TMEFF2: variants seen among roughly 807,000 people sequenced by gnomAD.
TMEFF2 encodes transmembrane protein with EGF like and two follistatin like domains 2.
In TMEFF2, 28 loss-of-function variants were observed where a neutral mutation model predicts 53.8. The ratio of observed to expected loss-of-function variants is 0.52; its 90% confidence interval spans 0.39 to 0.71. The LOEUF (loss-of-function observed/expected upper bound fraction) is 0.71. Ranked by LOEUF, TMEFF2 falls within the 30% of genes least tolerant of loss-of-function variation. The pLI, the probability that TMEFF2 is intolerant of heterozygous loss-of-function variation, is 0.00. For missense variants in TMEFF2, 353 were observed against 455.2 expected (o/e 0.78, Z 2.04); for synonymous variants, 162 against 166.3 (o/e 0.97, Z 0.20).
intron 7 of TMEFF2, 106 bp from the exon 8 acceptor site, chr2:191,956,484 G>T: frequency 8.0e-7 from 1 of 1,247,862 alleles, no homozygotes; most frequent in Non-Finnish European, 1.1e-6. Flanking sequence ...ATTTAAAAGG[G>T]CAAGAACTAA....
chr2:192,102,233 C>A (rs1183180533), intron 4 of TMEFF2, among the ~76,000 whole-genome samples: 1 of 152,194 alleles, frequency 6.6e-6, no homozygotes, highest in Non-Finnish European at 1.5e-5. Context: ...ACTTCTCTTT[C>A]AGCTTTTAGC....
chr2:192,069,700 G>A (rs1372152833), intron 4 of TMEFF2, among the ~76,000 whole-genome samples: 1 of 151,620 alleles, frequency 6.6e-6, no homozygotes, highest in East Asian at 1.9e-4. Context: ...AATTGCATGA[G>A]TTTTAGAGAA....
intron 4 of TMEFF2, among the ~76,000 whole-genome samples, chr2:192,172,111 T>C (rs983456462): frequency 7.9e-5 from 12 of 151,984 alleles, no homozygotes; most frequent in South Asian, 2.1e-4. Context: ...TGGTGATTAA[T>C]GGTGGGGTAT....
At chr2:192,148,398 G>A (rs556206992) in intron 4 of TMEFF2, among the ~76,000 whole-genome samples, 61 of 152,118 alleles carry the variant, frequency 4.0e-4, no homozygotes, top group African/African-American at 1.4e-3. Flanking sequence ...GACAGTCCAT[G>A]GAGAAAGTTG....
chr2:192,035,707 T>A (rs1288252236), intron 5 of TMEFF2, among the ~76,000 whole-genome samples: 1 of 152,238 alleles, frequency 6.6e-6, no homozygotes, highest in Non-Finnish European at 1.5e-5. Context: ...ATTAGATTTA[T>A]CTGAACTCCT....
intron 4 of TMEFF2, among the ~76,000 whole-genome samples, chr2:192,101,107 A>T (rs10931521): frequency 0.93 from 141,140 of 152,198 alleles, 65,569 homozygotes; most frequent in Admixed American, 0.96. Context: ...AGTTCATGGG[A>T]TGTTAAGTAT....
intron 4 of TMEFF2, among the ~76,000 whole-genome samples, chr2:192,162,007 T>A (rs982381735): frequency 6.6e-5 from 10 of 152,152 alleles, no homozygotes; most frequent in African/African-American, 2.4e-4. Flanking sequence ...AGGACAAACA[T>A]AACAACCTTG....
intron 5 of TMEFF2, among the ~76,000 whole-genome samples, chr2:192,037,643 AAGAGAGAG>A (rs34986284): frequency 1.5e-3 from 213 of 142,428 alleles, no homozygotes; most frequent in African/African-American, 2.1e-3. Context: ...AAGAGAGAGA[AAGAGAGAG>A]AGAGAGAGAG....
At chr2:192,138,799 T>C (rs987986739) in intron 4 of TMEFF2, among the ~76,000 whole-genome samples, 42 of 152,152 alleles carry the variant, frequency 2.8e-4, no homozygotes, top group African/African-American at 9.4e-4. Flanking sequence ...TGGAAACTTA[T>C]AGAGAAAGCA....
At chr2:192,125,413 C>G (rs1019789584) in intron 4 of TMEFF2, among the ~76,000 whole-genome samples, 1 of 152,102 alleles carries the variant, frequency 6.6e-6, no homozygotes, top group South Asian at 2.1e-4. Context: ...ATATAAATAT[C>G]TTTGTATTAT....
chr2:192,010,953 T>A (rs1369427132), intron 5 of TMEFF2, among the ~76,000 whole-genome samples: 1 of 152,206 alleles, frequency 6.6e-6, no homozygotes, highest in Non-Finnish European at 1.5e-5. Context: ...GTCATTCTCA[T>A]CCCAGATAAG....
chr2:192,080,253 C>T (rs1346009008), intron 4 of TMEFF2, among the ~76,000 whole-genome samples: 1 of 152,262 alleles, frequency 6.6e-6, no homozygotes, highest in African/African-American at 2.4e-5. Context: ...ATAATCCCCA[C>T]GTGTCAAGGG....
chr2:192,087,278 T>TG (rs1688689071), intron 4 of TMEFF2, among the ~76,000 whole-genome samples: 1 of 151,832 alleles, frequency 6.6e-6, no homozygotes, highest in Non-Finnish European at 1.5e-5. Flanking sequence ...CAACACCTAG[T>TG]GAAAAAAAAC....
chr2:191,982,334 A>G (rs892814024), intron 7 of TMEFF2, among the ~76,000 whole-genome samples: 5 of 152,218 alleles, frequency 3.3e-5, no homozygotes, highest in Middle Eastern at 3.4e-3. Flanking sequence ...TTATGGTCAA[A>G]TGTAATACCT....
intron 5 of TMEFF2, chr2:192,034,930 G>T (rs1687247897): frequency 6.6e-6 from 1 of 152,216 alleles, no homozygotes; most frequent in Non-Finnish European, 1.5e-5. Flanking sequence ...CTATCCTCCT[G>T]CAAGGCCTTC....
intron 4 of TMEFF2, among the ~76,000 whole-genome samples, chr2:192,152,844 T>C (rs1690419875): frequency 6.6e-6 from 1 of 151,860 alleles, no homozygotes; most frequent in African/African-American, 2.4e-5. Context: ...TTTCTAACTA[T>C]TATAATAACC....
intron 7 of TMEFF2, among the ~76,000 whole-genome samples, chr2:191,976,662 G>A (rs183395036): frequency 1.3e-5 from 2 of 152,298 alleles, no homozygotes. Flanking sequence ...TAGAAAGAAA[G>A]AGTCTGAAAA....
chr2:192,135,103 C>A (rs184203338), intron 4 of TMEFF2, among the ~76,000 whole-genome samples: 2,288 of 152,140 alleles, frequency 0.015, 48 homozygotes, highest in African/African-American at 0.053. Context: ...ACTGTGCCCC[C>A]AAAAAAACTT....
At chr2:192,049,089 TTTG>T (rs2105894291) in intron 5 of TMEFF2, among the ~76,000 whole-genome samples, 1 of 152,346 alleles carries the variant, frequency 6.6e-6, no homozygotes, top group African/African-American at 2.4e-5. Flanking sequence ...ACTTAAAGTC[TTTG>T]TTTTCCCATT....
Sources: allele counts gnomAD v4.1 joint callset (sites outside exome capture counted in the v4.1 genomes callset), GRCh38; gene constraint gnomAD v4.1.1; transcripts MANE v1.5; gene names NCBI Gene and HGNC (gene_info 2026-07-23, HGNC 2026-07-21).